Variants in RSPH3 observed in about 807,000 individuals in gnomAD.
RSPH3 encodes radial spoke head protein 3 homolog.
A neutral mutation model predicts 43.8 loss-of-function variants in RSPH3; 21 were observed. That is an observed-to-expected ratio of 0.48 (90% CI 0.34 to 0.69). The LOEUF is 0.69. Among genes scored for constraint, RSPH3 ranks in the 30% least tolerant of loss-of-function variants. The probability of loss-of-function intolerance (pLI) is 0.01; values close to 1 mark genes in which losing one functional copy is unlikely to be tolerated. For synonymous variants in RSPH3, 173 were observed against 179.8 expected (o/e 0.96, Z 0.30); for missense variants, 487 against 516.0 (o/e 0.94, Z 0.54).
At chr6:158,982,812 G>T in intron 4 of RSPH3, 124 bp from the exon 5 acceptor site, 1 of 634,744 alleles carries the variant, frequency 1.6e-6, no homozygotes, top group Non-Finnish European at 2.7e-6. Context: ...CAGACACTGT[G>T]CTGGTGCTTT....
chr6:158,993,323 G>A (rs142952564), intron 2 of RSPH3, among the ~76,000 whole-genome samples: 2,577 of 151,922 alleles, frequency 0.017, 29 homozygotes, highest in Non-Finnish European at 0.024. Flanking sequence ...TCACCATGTT[G>A]GCCAGAATGG....
intron 4 of RSPH3, among the ~76,000 whole-genome samples, chr6:158,983,195 T>C (rs1367742848): frequency 6.6e-6 from 1 of 152,140 alleles, no homozygotes; most frequent in Admixed American, 6.5e-5. Flanking sequence ...CCTTCTCTTC[T>C]TCAATTTCAT....
chr6:158,996,342 A>C (rs1205012426), intron 1 of RSPH3, among the ~76,000 whole-genome samples: 1 of 152,236 alleles, frequency 6.6e-6, no homozygotes, highest in Non-Finnish European at 1.5e-5. Flanking sequence ...GATGTATTAC[A>C]TTCTCTTGTT....
intron 1 of RSPH3, among the ~76,000 whole-genome samples, chr6:158,994,725 CA>C (rs1778534811): frequency 1.3e-5 from 2 of 152,170 alleles, no homozygotes; most frequent in South Asian, 4.1e-4. Context: ...GTAAAAAATA[CA>C]AAAACACAGT....
rs1778818919 is a variant in RSPH3, at chr6:159,000,060, C to T, written c.-510G>A. Reference sequence around the variant, plus strand: ...GCAGGGCTGGTGTTGGCGCCATTCTCGCAGGCCCACGTGCTCCTGCTCTTC... The same window carrying T: ...GCAGGGCTGGTGTTGGCGCCATTCTTGCAGGCCCACGTGCTCCTGCTCTTC... On this transcript the variant is annotated 5_prime_UTR_variant, in exon 1 of 8. Transcript: ENST00000367069. 9 of 1,341,860 alleles carry T rather than the reference C, an allele frequency of 6.7e-6. No homozygotes were observed. The highest frequency in any genetic ancestry group is 9.0e-6 in the Non-Finnish European group (9 of 994,504). 83.1% of individuals were successfully genotyped at this position (1,341,860 alleles called of 1,614,324 possible). A position where few individuals can be genotyped will look rare whatever the true frequency, so the allele number is the denominator to read the frequency against.
Position 158,975,474 on chromosome 6 carries a change from G to A in RSPH3, c.*2064C>T, listed in dbSNP as rs973475289. 6.6e-6 allele frequency: 1 copy of A among 152,096 alleles called. No homozygotes were observed. Among genetic ancestry groups the A allele is most frequent in the Non-Finnish European group, 1.5e-5 (1 of 68,028 alleles). The allele number at this position is 152,096 out of a possible 1,614,324, so 9.4% of individuals were successfully genotyped here. A position where few individuals can be genotyped will look rare whatever the true frequency, so the allele number is the denominator to read the frequency against. On this transcript the variant is annotated 3_prime_UTR_variant, in exon 8 of 8. Coordinates refer to ENST00000367069, the MANE Select transcript of RSPH3 (RefSeq NM_031924.8). ...TTTAGTCCTATTCCCTACTAGGCTC[G>A]TCATCTATTGCAAATCACTTTAAAT...
intron 1 of RSPH3, among the ~76,000 whole-genome samples, chr6:158,998,297 C>CAAAAAAAAAA (rs71297000): frequency 0.013 from 692 of 53,940 alleles, no homozygotes; most frequent in East Asian, 0.029. Context: ...TAAAAAAATA[C>CAAAAAAAAAA]AAAAAAAAAA....
Position 158,993,811 on chromosome 6 carries a change from G to A in RSPH3, c.204+28C>T, listed in dbSNP as rs16889317. ...TTCCCCATAGATAATGTGAGAACACGGTGTTAGACTATTCAAACTGAACTT... is the reference window on the plus strand; with the variant it reads ...TTCCCCATAGATAATGTGAGAACACAGTGTTAGACTATTCAAACTGAACTT... On this transcript the variant is annotated intron_variant, in intron 2 of 7. Coordinates refer to ENST00000367069, the MANE Select transcript of RSPH3 (RefSeq NM_031924.8). 0.11 allele frequency: 129,734 copies of A among 1,230,980 alleles called. 13,589 individuals are homozygous for A. Among genetic ancestry groups the A allele is most frequent in the East Asian group, 0.45 (18,891 of 41,534 alleles). The allele number at this position is 1,230,980 out of a possible 1,614,324, so 76.3% of individuals were successfully genotyped here. A position where few individuals can be genotyped will look rare whatever the true frequency, so the allele number is the denominator to read the frequency against.
intron 2 of RSPH3, among the ~76,000 whole-genome samples, chr6:158,993,039 G>A (rs1039063095): frequency 6.6e-6 from 1 of 152,138 alleles, no homozygotes; most frequent in Non-Finnish European, 1.5e-5. Context: ...GAACTGGTCT[G>A]TAACAATTTA....
rs752628369 is a variant in RSPH3 at position 158,999,772 on chromosome 6, G to A, written c.-222C>T. 3 of 1,611,632 alleles carry A rather than the reference G, an allele frequency of 1.9e-6. No homozygotes were observed. Among genetic ancestry groups the A allele is most frequent in the Admixed American group, 1.7e-5 (1 of 59,876 alleles). On this transcript the variant is annotated 5_prime_UTR_variant, in exon 1 of 8. Transcript: ENST00000367069. Reference sequence around the variant, plus strand: ...CCAGCACCACAGAGACCAGCTGCGGGGGCCGCATCGGTTGCCCAGCAACCC... The same window carrying A: ...CCAGCACCACAGAGACCAGCTGCGGAGGCCGCATCGGTTGCCCAGCAACCC...
chr6:158,990,233 A>G (rs1778362832), intron 2 of RSPH3, among the ~76,000 whole-genome samples: 1 of 152,088 alleles, frequency 6.6e-6, no homozygotes, highest in Admixed American at 6.6e-5. Context: ...AGAGAACCCT[A>G]ATACAATCCT....
Position 158,999,441 on chromosome 6 carries a change from G to T in RSPH3, c.110C>A (p.Thr37Lys). 1 of 1,506,446 alleles carries T rather than the reference G, an allele frequency of 6.6e-7. No individual in the cohort carries two copies. The highest frequency in any genetic ancestry group is 2.3e-5 in the East Asian group (1 of 43,470). The allele number at this position is 1,506,446 out of a possible 1,614,324, so 93.3% of individuals were successfully genotyped here. A position where few individuals can be genotyped will look rare whatever the true frequency, so the allele number is the denominator to read the frequency against. Reference sequence around the variant, plus strand: ...GGCTGGCTTGGTCACTCACGGCTGCGTCAGGCTGTCCCGGTAACGGCTGCG... The same window carrying T: ...GGCTGGCTTGGTCACTCACGGCTGCTTCAGGCTGTCCCGGTAACGGCTGCG... ...CQRSRYRDSLTQPDEEPMHYG... is the reference protein window; with the variant it reads ...CQRSRYRDSLKQPDEEPMHYG... Residue 37 changes from threonine to lysine, a missense_variant, in exon 1 of 8, where the codon ACG becomes AAG. Thr to Lys is a moderately conservative substitution (Grantham distance 78, BLOSUM62 -1). Coordinates refer to ENST00000367069, the MANE Select transcript of RSPH3 (RefSeq NM_031924.8).
Position 158,998,579 on chromosome 6 carries a change from G to A in RSPH3, c.116+856C>T, listed in dbSNP as rs1013557936. Among the ~76,000 whole-genome samples, 6 of 151,586 alleles carry A rather than the reference G, an allele frequency of 4.0e-5. 1 individual carries two copies. The highest frequency in any genetic ancestry group is 1.5e-4 in the African/African-American group (6 of 41,274). The stretch of plus-strand genomic sequence containing the variant: ...ATGTAAAAACACAAACTGCCGTCCG[G>A]GCGCGGTGGCTCACGCTTGTAATCC... On this transcript the variant is annotated intron_variant, in intron 1 of 7. Coordinates refer to ENST00000367069, the MANE Select transcript of RSPH3 (RefSeq NM_031924.8).
chr6:158,982,377 T>C (rs1778061314), intron 5 of RSPH3, 108 bp downstream of exon 5: 3 of 677,802 alleles, frequency 4.4e-6, no homozygotes, highest in Non-Finnish European at 4.7e-6. Flanking sequence ...TTTTCTAATA[T>C]ATTCCCAAAG....
chr6:158,998,015 G>A lies in RSPH3; in HGVS notation c.116+1420C>T, dbSNP rs1351917638. Among the ~76,000 whole-genome samples the A allele has an allele frequency of 3.9e-5, 6 of 152,068 alleles. No homozygotes were observed. In the East Asian group the frequency reaches 1.2e-3, roughly 29 times the overall value. On this transcript the variant is annotated intron_variant, in intron 1 of 7. Transcript: ENST00000367069. ...CGTATTAAGTGCTTACTATGTACCA[G>A]GCATTGTACTAGGTGAACAAAAGAT...
intron 1 of RSPH3, among the ~76,000 whole-genome samples, chr6:158,999,189 G>T (rs1173429797): frequency 2.0e-5 from 3 of 152,204 alleles, no homozygotes; most frequent in Non-Finnish European, 4.4e-5. Flanking sequence ...GAGCCAATTC[G>T]TGTACATGTT....
At chr6:158,999,376 C>T in intron 1 of RSPH3, 59 bp downstream of exon 1, 2 of 1,438,348 alleles carry the variant, frequency 1.4e-6, no homozygotes, top group Non-Finnish European at 9.1e-7. Flanking sequence ...AGGGGCCAGA[C>T]CCCGGCCTGG....
rs919216744 is a variant in RSPH3, at chr6:158,983,257, AT to A, written c.492+404del. On this transcript the variant is annotated intron_variant, in intron 4 of 7. Coordinates refer to ENST00000367069, the MANE Select transcript of RSPH3 (RefSeq NM_031924.8). Reference sequence around the variant, plus strand: ...CTGATAGAAAAATGTAATTATTAAAATTTTTTTTTTAAATGAGAGAATATCT... The same window carrying A: ...CTGATAGAAAAATGTAATTATTAAAATTTTTTTTTAAATGAGAGAATATCT... Among the ~76,000 whole-genome samples, 45 of 151,218 alleles carry A rather than the reference AT, an allele frequency of 3.0e-4. 1 individual carries two copies. Among genetic ancestry groups the A allele is most frequent in the South Asian group, 8.3e-4 (4 of 4,800 alleles).
intron 1 of RSPH3, among the ~76,000 whole-genome samples, chr6:158,994,891 T>C (rs1778541183): frequency 6.6e-6 from 1 of 152,210 alleles, no homozygotes; most frequent in Non-Finnish European, 1.5e-5. Context: ...TTGAACATTC[T>C]AACAAGTTTC....
Sources: allele counts gnomAD v4.1 joint callset (sites outside exome capture counted in the v4.1 genomes callset), GRCh38; gene constraint gnomAD v4.1.1; transcripts MANE v1.5; gene names NCBI Gene and HGNC (gene_info 2026-07-23, HGNC 2026-07-21).